Variants in MAGI2 observed in about 807,000 individuals in gnomAD.
MAGI2 encodes membrane-associated guanylate kinase, WW and PDZ domain-containing protein 2.
MAGI2 carries 35 observed loss-of-function variants against 133.3 expected under a neutral mutation model. The ratio of observed to expected loss-of-function variants is 0.26; its 90% CI spans 0.20 to 0.35. The LOEUF (loss-of-function observed/expected upper bound fraction) is 0.35, where lower values mean the gene tolerates loss of function less well. Among genes scored for constraint, MAGI2 ranks in the 10% least tolerant of loss-of-function variants. The probability of loss-of-function intolerance (pLI) is 1.00; values close to 1 mark genes in which losing one functional copy is unlikely to be tolerated. For missense variants in MAGI2, 1,636 were observed against 1,863.4 expected (o/e 0.88, Z 2.25); for synonymous variants, 729 against 710.6 (o/e 1.03, Z -0.41).
At chr7:78,519,394 A>T (rs1796309043) in intron 4 of MAGI2, among the ~76,000 whole-genome samples, 1 of 152,148 alleles carries the variant, frequency 6.6e-6, no homozygotes. Flanking sequence ...CATAACAGGA[A>T]AGAAAAGCAC....
intron 2 of MAGI2, among the ~76,000 whole-genome samples, chr7:78,828,856 T>C (rs1790891760): frequency 6.6e-6 from 1 of 152,190 alleles, no homozygotes. Flanking sequence ...ATAAACATTC[T>C]AAAGTAATTT....
chr7:78,029,962 A>G (rs1809394306), intron 21 of MAGI2, among the ~76,000 whole-genome samples: 1 of 152,208 alleles, frequency 6.6e-6, no homozygotes, highest in African/African-American at 2.4e-5. Context: ...GCACTCAGTC[A>G]CTTGGAGCCT....
chr7:79,166,246 G>C (rs1470145805), intron 1 of MAGI2, among the ~76,000 whole-genome samples: 2 of 152,008 alleles, frequency 1.3e-5, no homozygotes, highest in African/African-American at 4.8e-5. Flanking sequence ...ATAGCAAAGG[G>C]AGAGTCACTC....
chr7:79,029,204 A>G (rs1417590465), intron 1 of MAGI2, among the ~76,000 whole-genome samples: 1 of 152,176 alleles, frequency 6.6e-6, no homozygotes, highest in Non-Finnish European at 1.5e-5. Flanking sequence ...TAATACTTTC[A>G]AGGATAATAT....
At chr7:79,359,606 A>G (rs1372463966) in intron 1 of MAGI2, among the ~76,000 whole-genome samples, 1 of 151,588 alleles carries the variant, frequency 6.6e-6, no homozygotes, top group Non-Finnish European at 1.5e-5. Flanking sequence ...AAAATAACAC[A>G]TTATGGGACG....
chr7:78,557,151 T>C (rs1799929442), intron 3 of MAGI2, among the ~76,000 whole-genome samples: 1 of 148,878 alleles, frequency 6.7e-6, no homozygotes, highest in Non-Finnish European at 1.5e-5. Flanking sequence ...GGCTAGAAGA[T>C]TTTAATTTGC....
intron 2 of MAGI2, among the ~76,000 whole-genome samples, chr7:78,879,443 C>G (rs1392368523): frequency 6.6e-6 from 1 of 152,076 alleles, no homozygotes; most frequent in Non-Finnish European, 1.5e-5. Flanking sequence ...CAACGTAAAA[C>G]TGGTCAATGG....
intron 2 of MAGI2, among the ~76,000 whole-genome samples, chr7:78,655,404 A>AAAAACAAAAC (rs756481844): frequency 2.0e-5 from 3 of 149,808 alleles, no homozygotes; most frequent in Non-Finnish European, 3.0e-5. Context: ...GGCTTATACA[A>AAAAACAAAAC]AAAACAAAAC....
intron 2 of MAGI2, among the ~76,000 whole-genome samples, chr7:78,856,640 T>C (rs1793661931): frequency 6.6e-6 from 1 of 152,190 alleles, no homozygotes; most frequent in African/African-American, 2.4e-5. Flanking sequence ...TACTATGCTG[T>C]TTTGGTTACT....
chr7:79,069,274 T>C (rs1417040818), intron 1 of MAGI2, among the ~76,000 whole-genome samples: 1 of 152,182 alleles, frequency 6.6e-6, no homozygotes, highest in African/African-American at 2.4e-5. Context: ...TTTATGAATC[T>C]GGGTGCTCCT....
chr7:78,277,562 G>A (rs1795171204), intron 9 of MAGI2, among the ~76,000 whole-genome samples: 1 of 152,178 alleles, frequency 6.6e-6, no homozygotes, highest in Non-Finnish European at 1.5e-5. Flanking sequence ...TAGCAAGAGA[G>A]TGGATTCTGA....
intron 2 of MAGI2, among the ~76,000 whole-genome samples, chr7:78,994,772 T>G (rs897370498): frequency 6.6e-6 from 1 of 152,066 alleles, no homozygotes; most frequent in Non-Finnish European, 1.5e-5. Flanking sequence ...CTCAGAGGAC[T>G]AAAAAATGCA....
At chr7:78,636,667 G>A (rs1459764560) in intron 2 of MAGI2, among the ~76,000 whole-genome samples, 2 of 152,020 alleles carry the variant, frequency 1.3e-5, no homozygotes, top group Non-Finnish European at 2.9e-5. Flanking sequence ...GCGTGGTGGC[G>A]GGCGCCTGTA....
intron 2 of MAGI2, among the ~76,000 whole-genome samples, chr7:78,713,208 C>T (rs1585166268): frequency 6.6e-6 from 1 of 152,224 alleles, no homozygotes; most frequent in East Asian, 1.9e-4. Context: ...TATTTTACTC[C>T]TAATTTGTAA....
At chr7:78,587,443 C>T (rs780212952) in intron 3 of MAGI2, among the ~76,000 whole-genome samples, 1 of 152,138 alleles carries the variant, frequency 6.6e-6, no homozygotes, top group Non-Finnish European at 1.5e-5. Flanking sequence ...CATCTAAATG[C>T]AGTTCATTAA....
rs141160795 is a variant in MAGI2 at position 79,327,868 on chromosome 7, G to A, written c.301+125152C>T. Among the ~76,000 whole-genome samples the A allele has an allele frequency of 4.5e-4, 68 of 152,192 alleles. No homozygotes were observed. In the East Asian group the frequency reaches 0.01, roughly 23 times the overall value. ...AAGCATTTTCTTCTGTATGCTTAGA[G>A]TTAGAAAGTTGAAACAAAGTTTTGG... On this transcript the variant is annotated intron_variant, in intron 1 of 21. Coordinates refer to ENST00000354212, the MANE Select transcript of MAGI2 (RefSeq NM_012301.4).
intron 1 of MAGI2, among the ~76,000 whole-genome samples, chr7:79,306,213 ATG>A (rs1029640012): frequency 1.4e-4 from 20 of 146,030 alleles, no homozygotes; most frequent in Non-Finnish European, 7.5e-5. Context: ...GTATATATAT[ATG>A]TGTATATATA....
chr7:78,589,889 T>C (rs1053612667), intron 3 of MAGI2, among the ~76,000 whole-genome samples: 1 of 152,218 alleles, frequency 6.6e-6, no homozygotes, highest in African/African-American at 2.4e-5. Flanking sequence ...ATTTCAAAAA[T>C]GACATTTTAA....
chr7:79,057,505 T>C (rs1813257760), intron 1 of MAGI2, among the ~76,000 whole-genome samples: 1 of 152,232 alleles, frequency 6.6e-6, no homozygotes, highest in Non-Finnish European at 1.5e-5. Flanking sequence ...ATAATATTCT[T>C]ACAAGAGAAA....
Sources: gnomAD v4.1 joint callset for allele counts (sites outside exome capture counted in the v4.1 genomes callset) on GRCh38, gnomAD v4.1.1 for gene constraint, MANE v1.5 for transcripts, NCBI Gene and HGNC (gene_info 2026-07-23, HGNC 2026-07-21) for gene names.